The following SCAND1 variants were observed in gnomAD, a reference collection of about 807,000 sequenced individuals.
SCAND1 encodes SCAN domain containing 1, also known as SCAN domain-containing protein 1.
SCAND1 carries 3 observed loss-of-function variants against 3.4 expected under a neutral mutation model. The observed-to-expected ratio is 0.87, with a 90% confidence interval of 0.40 to 2.25. The LOEUF (loss-of-function observed/expected upper bound fraction) is 2.25. SCAND1 is among the 30% of genes most tolerant of loss of function. SCAND1 has a pLI of 0.05. For synonymous variants in SCAND1, 152 were observed against 120.5 expected, an observed-to-expected ratio of 1.26 and a Z score of -1.72; for missense variants, 303 against 258.8, an observed-to-expected ratio of 1.17 and a Z score of -1.17.
chr20:35,957,740 A>G (rs1428173213), upstream of SCAND1: 1 of 152,254 alleles, frequency 6.6e-6, no homozygotes, highest in Non-Finnish European at 1.5e-5. Context: ...CCAAGATGTC[A>G]GAAGATGAAG....
rs1413493204 is a variant in SCAND1 at position 35,954,033 on chromosome 20, C to T, written c.252G>A (p.Ala84=). Residue 84 remains alanine, a synonymous_variant, in exon 2 of 2, where the codon GCG becomes GCA. Transcript: ENST00000305978. ...LPLGPAPVSV[A]PQAEAEARST... The stretch of plus-strand genomic sequence containing the variant: ...AGCGCGCTTCAGCTTCGGCCTGAGG[C>T]GCTACGCTCACGGGTGCGGGCCCGA... 3 of 1,543,354 alleles carry T rather than the reference C, an allele frequency of 1.9e-6. No homozygotes were observed. The highest frequency in any genetic ancestry group is 2.6e-6 in the Non-Finnish European group (3 of 1,143,574).
chr20:35,958,816 C>A (rs1411824725), upstream of SCAND1: 1 of 152,218 alleles, frequency 6.6e-6, no homozygotes, highest in Non-Finnish European at 1.5e-5. Context: ...AACCACTAAT[C>A]TATTCTCCAT....
upstream of SCAND1, among the ~76,000 whole-genome samples, chr20:35,956,164 A>G (rs1039849278): frequency 6.6e-6 from 1 of 152,226 alleles, no homozygotes; most frequent in African/African-American, 2.4e-5. Flanking sequence ...AACCATTAAC[A>G]TGCCATTAGC....
At chr20:35,959,405 G>A (rs921690124), upstream of SCAND1, 1 of 152,332 alleles carries the variant, frequency 6.6e-6, no homozygotes, top group Non-Finnish European at 1.5e-5. Flanking sequence ...GACGTTTAAT[G>A]AACTCACAGC....
Position 35,954,120 on chromosome 20 carries a change from G to A in SCAND1, c.165C>T (p.Ala55=). 1 of 1,548,686 alleles carries A rather than the reference G, an allele frequency of 6.5e-7. No individual in the cohort carries two copies. Among genetic ancestry groups the A allele is most frequent in the Non-Finnish European group, 8.7e-7 (1 of 1,144,504 alleles). Residue 55 remains alanine, a synonymous_variant, in exon 2 of 2, where the codon GCC becomes GCT. Coordinates refer to ENST00000305978, the MANE Select transcript of SCAND1 (RefSeq NM_033630.3). ...GCGTAGGGATGGCTTCAGGGACCGCGGCGTTGGGACTGGAAGGCTCAGGGG... is the reference window on the plus strand; with the variant it reads ...GCGTAGGGATGGCTTCAGGGACCGCAGCGTTGGGACTGGAAGGCTCAGGGG... ...PPAPEPSSPN[A]AVPEAIPTPR...
At chr20:35,955,644 G>T (rs891327589), upstream of SCAND1, among the ~76,000 whole-genome samples, 1 of 152,214 alleles carries the variant, frequency 6.6e-6, no homozygotes, top group African/African-American at 2.4e-5. Context: ...AAATGTGGAT[G>T]TAATAGAACT....
upstream of SCAND1, among the ~76,000 whole-genome samples, chr20:35,958,435 AAAAT>A (rs1453110527): frequency 2.0e-5 from 3 of 152,224 alleles, no homozygotes; most frequent in Admixed American, 6.5e-5. Context: ...TCATCTCAAA[AAAAT>A]AAATAAGTTT....
rs776529373 is a variant in SCAND1, at chr20:35,953,702, T to G, written c.*43A>C. On this transcript the variant is annotated 3_prime_UTR_variant, in exon 2 of 2. Coordinates refer to ENST00000305978, the MANE Select transcript of SCAND1 (RefSeq NM_033630.3). Reference sequence around the variant, plus strand: ...CCCCCGGGCCCGATCATGGCCCCAGTCCGCACAGAGCGCCCGGCCCTGGCC... The same window carrying G: ...CCCCCGGGCCCGATCATGGCCCCAGGCCGCACAGAGCGCCCGGCCCTGGCC... The G allele has an allele frequency of 7.5e-7, 1 of 1,331,084 alleles. No homozygotes were observed. Among genetic ancestry groups the G allele is most frequent in the African/African-American group, 1.6e-5 (1 of 64,494 alleles). 82.5% of individuals were successfully genotyped at this position (1,331,084 alleles called of 1,614,324 possible).
chr20:35,954,253 G>C lies in SCAND1; in HGVS notation c.32C>G (p.Thr11Ser), dbSNP rs768614568. 2 of 1,613,134 alleles carry C rather than the reference G, an allele frequency of 1.2e-6. No individual in the cohort carries two copies. The highest frequency in any genetic ancestry group is 1.7e-6 in the Non-Finnish European group (2 of 1,179,944). ...CGGTGGCACCGCCGCGGGACTCCCA[G>C]TGGCCGCCAAGATCGGCTCCGTAGC... MAATEPILAA[T>S]GSPAAVPPEK... Residue 11 changes from threonine to serine, a missense_variant, in exon 2 of 2, where the codon ACT (threonine) becomes AGT (serine). Physicochemically the swap from Thr to Ser is moderately conservative, Grantham distance 58. Transcript: ENST00000305978.
In SCAND1 at chr20:35,954,205, G is replaced by A; in HGVS notation, c.80C>T (p.Ser27Leu). The change falls in exon 2 of 2, where the codon TCG becomes TTG. Residue 27 changes from serine (S) to leucine (L), a missense_variant. Physicochemically the swap from Ser to Leu is moderately radical, Grantham distance 145. Transcript: ENST00000305978. ...VPPEKLEGAGSSSAPERNCVG... is the reference protein window; with the variant it reads ...VPPEKLEGAGLSSAPERNCVG... ...ACAGTTACGCTCAGGGGCTGAGCTC[G>A]AACCGGCTCCTTCCAGTTTCTCCGG... 1 of 1,612,388 alleles carries A rather than the reference G, an allele frequency of 6.2e-7. No individual in the cohort carries two copies. The highest frequency in any genetic ancestry group is 8.5e-7 in the Non-Finnish European group (1 of 1,179,898).
At chr20:35,956,330 C>T (rs1258977652), upstream of SCAND1, among the ~76,000 whole-genome samples, 1 of 152,146 alleles carries the variant, frequency 6.6e-6, no homozygotes, top group South Asian at 2.1e-4. Context: ...TGGGAGATTT[C>T]ACATGCAAAT....
At position 35,953,838 on chromosome 20, in the gene SCAND1, C is replaced by T. The variant is rs1369160165; in HGVS notation, c.447G>A (p.Glu149=). The part of the protein sequence containing the change: ...PDIRTKEQIV[E]MLVQEQLLAI... Reference sequence around the variant, plus strand: ...CGAGCAGCTGCTCTTGCACCAGCATCTCCACGATCTGCTCCTTGGTGCGGA... The same window carrying T: ...CGAGCAGCTGCTCTTGCACCAGCATTTCCACGATCTGCTCCTTGGTGCGGA... Residue 149 remains glutamate (E), a synonymous_variant, in exon 2 of 2, where the codon GAG becomes GAA. Coordinates refer to ENST00000305978, the MANE Select transcript of SCAND1 (RefSeq NM_033630.3). 1 of 1,582,212 alleles carries T rather than the reference C, an allele frequency of 6.3e-7. No homozygotes were observed. Among genetic ancestry groups the T allele is most frequent in the Non-Finnish European group, 8.6e-7 (1 of 1,166,432 alleles).
chr20:35,958,443 T>C (rs2056278825), upstream of SCAND1, among the ~76,000 whole-genome samples: 1 of 152,070 alleles, frequency 6.6e-6, no homozygotes. Flanking sequence ...AAAAAATAAA[T>C]AAGTTTTTTA....
upstream of SCAND1, among the ~76,000 whole-genome samples, chr20:35,958,466 T>G (rs2056279037): frequency 6.6e-6 from 1 of 152,164 alleles, no homozygotes; most frequent in Non-Finnish European, 1.5e-5. Flanking sequence ...TGGAAATAAT[T>G]ATAGATTCAT....
chr20:35,954,406 G>A, intron 1 of SCAND1, 42 bp downstream of exon 1: 3 of 1,556,082 alleles, frequency 1.9e-6, no homozygotes, highest in Non-Finnish European at 2.6e-6. Flanking sequence ...TCACCCTTGA[G>A]GGAGTCGGAC....
chr20:35,955,141 A>G (rs534241684), upstream of SCAND1: 80 of 168,084 alleles, frequency 4.8e-4, no homozygotes, highest in Non-Finnish European at 9.0e-4. Flanking sequence ...CTCTAAATGC[A>G]TTGCCCCTTA....
In SCAND1 at chr20:35,953,639, C is replaced by G; in HGVS notation, c.*106G>C. 1 of 677,520 alleles carries G rather than the reference C, an allele frequency of 1.5e-6. No homozygotes were observed. The highest frequency in any genetic ancestry group is 2.2e-6 in the Non-Finnish European group (1 of 448,782). 42.0% of individuals were successfully genotyped at this position (677,520 alleles called of 1,614,324 possible). ...CCAGACCACAGGCGCTGCCAAAACT[C>G]ATTTTTCATTAACACGGGGTGGGGT... On this transcript the variant is annotated 3_prime_UTR_variant, in exon 2 of 2. Coordinates refer to ENST00000305978, the MANE Select transcript of SCAND1 (RefSeq NM_033630.3).
In SCAND1 at chr20:35,953,860, C is replaced by A. The variant is rs1568830045; in HGVS notation, c.425G>T (p.Arg142Leu). Residue 142 changes from arginine to leucine, a missense_variant, in exon 2 of 2, where the codon CGC becomes CTC. Coordinates refer to ENST00000305978, the MANE Select transcript of SCAND1 (RefSeq NM_033630.3). ...CATCTCCACGATCTGCTCCTTGGTG[C>A]GGATGTCAGGCCGCAGCCACTGGCG... ...LSRQWLRPDIRTKEQIVEMLV... is the reference protein window; with the variant it reads ...LSRQWLRPDILTKEQIVEMLV... 1 of 1,591,276 alleles carries A rather than the reference C, an allele frequency of 6.3e-7. No individual in the cohort carries two copies. The highest frequency in any genetic ancestry group is 8.5e-7 in the Non-Finnish European group (1 of 1,171,158).
chr20:35,954,238 G>A lies in SCAND1; in HGVS notation c.47C>T (p.Ala16Val). The A allele has an allele frequency of 6.2e-7, 1 of 1,612,868 alleles. No individual in the cohort carries two copies. The highest frequency in any genetic ancestry group is 8.5e-7 in the Non-Finnish European group (1 of 1,179,938). Reference sequence around the variant, plus strand: ...TCCTTCCAGTTTCTCCGGTGGCACCGCCGCGGGACTCCCAGTGGCCGCCAA... The same window carrying A: ...TCCTTCCAGTTTCTCCGGTGGCACCACCGCGGGACTCCCAGTGGCCGCCAA... ...PILAATGSPAAVPPEKLEGAG... is the reference protein window; with the variant it reads ...PILAATGSPAVVPPEKLEGAG... The change falls in exon 2 of 2, where the codon GCG (alanine) becomes GTG (valine). Residue 16 changes from alanine (A) to valine (V), a missense_variant. By Grantham distance (64) the Ala-to-Val change is moderately conservative. Transcript: ENST00000305978.
Sources: allele counts gnomAD v4.1 joint callset (sites outside exome capture counted in the v4.1 genomes callset), GRCh38; gene constraint gnomAD v4.1.1; transcripts MANE v1.5; gene names NCBI Gene and HGNC (gene_info 2026-07-23, HGNC 2026-07-21).